DOCK9: variants seen among roughly 807,000 people sequenced by gnomAD.
The protein encoded by DOCK9 is dedicator of cytokinesis 9, also known as dedicator of cytokinesis protein 9.
DOCK9 carries 89 observed loss-of-function variants against 263.3 expected under a neutral mutation model. That is an observed-to-expected ratio of 0.34 (90% CI 0.28 to 0.40). The LOEUF is 0.40. Among genes scored for constraint, DOCK9 ranks in the 10% least tolerant of loss-of-function variants. The pLI is 1.00. For synonymous variants in DOCK9, 976 were observed against 973.1 expected (o/e 1.00, Z -0.06); for missense variants, 2,140 against 2,603.4 (o/e 0.82, Z 3.87).
chr13:98,939,624 G>A (rs113147486), intron 2 of DOCK9, among the ~76,000 whole-genome samples: 8 of 152,324 alleles, frequency 5.3e-5, no homozygotes, highest in East Asian at 1.9e-4. Context: ...CTCAGGAGAC[G>A]GACGGACCTG....
At chr13:99,001,227 C>A (rs562887104) in intron 1 of DOCK9, among the ~76,000 whole-genome samples, 1 of 152,294 alleles carries the variant, frequency 6.6e-6, no homozygotes, top group South Asian at 2.1e-4. Context: ...TGGTACGAAA[C>A]CACTTGTAAT....
At chr13:98,882,416 A>T (rs1179966032) in intron 23 of DOCK9, among the ~76,000 whole-genome samples, 2 of 152,140 alleles carry the variant, frequency 1.3e-5, no homozygotes, top group African/African-American at 4.8e-5. Flanking sequence ...GTTTATGTGG[A>T]TATGTATTCC....
At chr13:99,002,844 C>T (rs1882631607) in intron 1 of DOCK9, among the ~76,000 whole-genome samples, 1 of 152,192 alleles carries the variant, frequency 6.6e-6, no homozygotes, top group Non-Finnish European at 1.5e-5. Flanking sequence ...TACTCACTTG[C>T]TGTGTGATTT....
intron 5 of DOCK9, among the ~76,000 whole-genome samples, chr13:98,922,403 GT>G (rs1272816302): frequency 1.3e-5 from 2 of 152,188 alleles, no homozygotes; most frequent in African/African-American, 2.4e-5. Flanking sequence ...TTATTTGTCA[GT>G]GTTTAATGAG....
intron 39 of DOCK9, among the ~76,000 whole-genome samples, chr13:98,833,485 C>T (rs1200411435): frequency 1.3e-5 from 2 of 152,164 alleles, no homozygotes; most frequent in Non-Finnish European, 2.9e-5. Flanking sequence ...TGTTTCTCCA[C>T]CTTTCCCATG....
At chr13:99,009,930 T>C (rs1299596274) in intron 1 of DOCK9, among the ~76,000 whole-genome samples, 7 of 151,696 alleles carry the variant, frequency 4.6e-5, no homozygotes, top group African/African-American at 1.7e-4. Flanking sequence ...TATGAAGACA[T>C]GTTGAAGACA....
At chr13:99,000,596 G>A (rs1882100241) in intron 1 of DOCK9, among the ~76,000 whole-genome samples, 1 of 152,082 alleles carries the variant, frequency 6.6e-6, no homozygotes, top group Non-Finnish European at 1.5e-5. Context: ...GAAAAATGAG[G>A]TAAAATCATT....
At chr13:98,891,525 T>G (rs2046615527) in intron 15 of DOCK9, among the ~76,000 whole-genome samples, 1 of 152,192 alleles carries the variant, frequency 6.6e-6, no homozygotes, top group Admixed American at 6.5e-5. Context: ...TCATCACCAT[T>G]TTTAAGATCA....
intron 18 of DOCK9, among the ~76,000 whole-genome samples, chr13:98,887,294 AATTCTGCAC>A (rs1368878654): frequency 6.6e-6 from 1 of 151,418 alleles, no homozygotes; most frequent in Non-Finnish European, 1.5e-5. Context: ...TTAGGCAAAA[AATTCTGCAC>A]TACTCCCCTC....
chr13:99,047,316 G>A (rs1595980572), intron 1 of DOCK9, among the ~76,000 whole-genome samples: 1 of 152,344 alleles, frequency 6.6e-6, no homozygotes, highest in East Asian at 1.9e-4. Flanking sequence ...ACCACAGGCT[G>A]AGGAGTATCA....
intron 2 of DOCK9, among the ~76,000 whole-genome samples, chr13:98,932,686 T>C (rs538771872): frequency 6.6e-6 from 1 of 152,222 alleles, no homozygotes; most frequent in Non-Finnish European, 1.5e-5. Flanking sequence ...CTCTCTCTGT[T>C]GTGTCTGCTT....
At chr13:98,837,361 T>C in intron 39 of DOCK9, 133 bp downstream of exon 39, 1 of 619,180 alleles carries the variant, frequency 1.6e-6, no homozygotes. Flanking sequence ...TAAAGATTAA[T>C]GGTTTCCTTA....
In DOCK9 at chr13:98,977,832, C is replaced by T. The variant is rs1339816732; in HGVS notation, c.78G>A (p.Lys26=). Residue 26 remains lysine, a synonymous_variant, in exon 1 of 53, where the codon AAG becomes AAA. Coordinates refer to ENST00000682017, the MANE Select transcript of DOCK9 (RefSeq NM_001366683.2). The part of the protein sequence containing the change: ...ELVIESPLQY[K]DAAQGEVEAE... ...CTTCCACTTCGCCCTGAGCTGCATCCTTGTATTGCAGGGGGGACTCAATCA... is the reference window on the plus strand; with the variant it reads ...CTTCCACTTCGCCCTGAGCTGCATCTTTGTATTGCAGGGGGGACTCAATCA... 6.2e-7 allele frequency: 1 copy of T among 1,609,986 alleles called. No homozygotes were observed. Among genetic ancestry groups the T allele is most frequent in the Non-Finnish European group, 8.5e-7 (1 of 1,178,026 alleles).
chr13:98,834,825 G>C (rs1303086124), intron 39 of DOCK9, among the ~76,000 whole-genome samples: 2 of 152,098 alleles, frequency 1.3e-5, no homozygotes, highest in African/African-American at 4.8e-5. Flanking sequence ...GTCTGTATAA[G>C]AGATCATTCA....
intron 1 of DOCK9, among the ~76,000 whole-genome samples, chr13:98,994,635 T>A (rs1249360246): frequency 6.6e-6 from 1 of 152,062 alleles, no homozygotes; most frequent in Non-Finnish European, 1.5e-5. Flanking sequence ...TAATCAGATA[T>A]GAGTGTATAT....
At chr13:99,030,231 A>C (rs1323429064) in intron 1 of DOCK9, among the ~76,000 whole-genome samples, 2 of 152,250 alleles carry the variant, frequency 1.3e-5, no homozygotes, top group Non-Finnish European at 2.9e-5. Context: ...TGAATTGTAC[A>C]TTAAAATTCA....
chr13:99,009,842 T>C (rs1411030402), intron 1 of DOCK9, among the ~76,000 whole-genome samples: 2 of 152,192 alleles, frequency 1.3e-5, no homozygotes, highest in Non-Finnish European at 2.9e-5. Context: ...GTTTTTCTCA[T>C]TAGAAAAGAC....
intron 1 of DOCK9, among the ~76,000 whole-genome samples, chr13:99,023,913 A>G: frequency 6.6e-6 from 1 of 152,234 alleles, no homozygotes; most frequent in East Asian, 1.9e-4. Context: ...CCTGAGATTT[A>G]AATTTCTGAT....
chr13:99,053,487 T>C (rs1212490118), intron 1 of DOCK9, among the ~76,000 whole-genome samples: 2 of 152,338 alleles, frequency 1.3e-5, no homozygotes, highest in East Asian at 1.9e-4. Flanking sequence ...TTTAATTAAA[T>C]GTAATTGAAT....
Sources: gnomAD v4.1 joint callset for allele counts (sites outside exome capture counted in the v4.1 genomes callset) on GRCh38, gnomAD v4.1.1 for gene constraint, MANE v1.5 for transcripts, NCBI Gene and HGNC (gene_info 2026-07-23, HGNC 2026-07-21) for gene names.